Variants in PCDH7 observed in about 807,000 individuals in gnomAD.
The protein encoded by PCDH7 is protocadherin 7, also known as protocadherin-7.
A neutral mutation model predicts 58.9 loss-of-function variants in PCDH7; 17 were observed. That is an observed-to-expected ratio of 0.29 (90% CI 0.20 to 0.43). The LOEUF is 0.43. Ranked by LOEUF, PCDH7 falls within the 20% of genes least tolerant of loss-of-function variation. The probability of loss-of-function intolerance (pLI) is 1.00; values close to 1 mark genes in which losing one functional copy is unlikely to be tolerated. For synonymous variants in PCDH7, 664 were observed against 616.4 expected (o/e 1.08, Z -1.14); for missense variants, 1,274 against 1,441.0 (o/e 0.88, Z 1.88).
chr4:30,939,574 G>C (rs1745780223), intron 2 of PCDH7, among the ~76,000 whole-genome samples: 1 of 152,038 alleles, frequency 6.6e-6, no homozygotes, highest in Non-Finnish European at 1.5e-5. Context: ...CCATGACTAA[G>C]AAAATTGCTC....
chr4:31,024,927 G>A (rs1754307965), intron 3 of PCDH7, among the ~76,000 whole-genome samples: 1 of 152,078 alleles, frequency 6.6e-6, no homozygotes, highest in Non-Finnish European at 1.5e-5. Context: ...ATTTTTAGTA[G>A]AGACAGGGTT....
chr4:30,981,580 TA>T (rs1750571881), intron 3 of PCDH7, among the ~76,000 whole-genome samples: 2 of 152,128 alleles, frequency 1.3e-5, no homozygotes, highest in Admixed American at 6.5e-5. Flanking sequence ...TTTTAGACAA[TA>T]AAAAGCTCAT....
intron 2 of PCDH7, among the ~76,000 whole-genome samples, chr4:30,923,283 T>C (rs777348727): frequency 2.6e-5 from 4 of 152,164 alleles, no homozygotes; most frequent in Non-Finnish European, 4.4e-5. Flanking sequence ...TCCAATGTCA[T>C]GCTAACAAAC....
intron 1 of PCDH7, among the ~76,000 whole-genome samples, chr4:30,886,727 C>T (rs1455020331): frequency 5.3e-5 from 8 of 151,620 alleles, no homozygotes; most frequent in African/African-American, 1.5e-4. Context: ...CCAACTCAAA[C>T]GTCCAACAAT....
chr4:31,099,534 T>C (rs145171303), intron 3 of PCDH7, among the ~76,000 whole-genome samples: 1,589 of 152,316 alleles, frequency 0.01, 12 homozygotes, highest in Middle Eastern at 0.024. Context: ...AATGTATACA[T>C]ATGCTTGCAG....
intron 3 of PCDH7, among the ~76,000 whole-genome samples, chr4:30,980,374 T>C (rs1001308450): frequency 6.6e-6 from 1 of 152,226 alleles, no homozygotes; most frequent in African/African-American, 2.4e-5. Context: ...GTCTGTTTCT[T>C]GGTTTTTATT....
At chr4:31,121,076 G>A (rs1289683184) in intron 3 of PCDH7, among the ~76,000 whole-genome samples, 7 of 152,158 alleles carry the variant, frequency 4.6e-5, no homozygotes, top group East Asian at 1.9e-4. Context: ...CTTAATTAAC[G>A]CTGGTGTGCT....
chr4:31,119,628 A>G (rs1433036026), intron 3 of PCDH7, among the ~76,000 whole-genome samples: 1 of 152,082 alleles, frequency 6.6e-6, no homozygotes, highest in Non-Finnish European at 1.5e-5. Context: ...CAAATGCTGG[A>G]GTTCGACCTT....
At chr4:30,750,016 G>T (rs575781326) in intron 1 of PCDH7, among the ~76,000 whole-genome samples, 6 of 152,156 alleles carry the variant, frequency 3.9e-5, no homozygotes, top group Admixed American at 3.9e-4. Context: ...CTATACAAAA[G>T]GTATTTATAT....
At chr4:30,809,433 T>C (rs73213197) in intron 1 of PCDH7, among the ~76,000 whole-genome samples, 16,784 of 152,270 alleles carry the variant, frequency 0.11, 1,232 homozygotes, top group Non-Finnish European at 0.16. Flanking sequence ...AGTCAGTTTC[T>C]ACGGTGGTCA....
chr4:30,723,535 C>G lies in PCDH7; in HGVS notation c.2113C>G (p.Gln705Glu), dbSNP rs951025595. ...CACAATGTCTTTTGACCGGGAACAT[C>G]AGACCACATACACTTTCAGAGTCAA... The change falls in exon 1 of 2, where the codon CAG (glutamine) becomes GAG (glutamate). Residue 705 changes from glutamine (Q) to glutamate (E), a missense_variant. Transcript: ENST00000361762. The surrounding 1 kb of genome is among the most constrained non-coding windows in gnomAD (Gnocchi z 4.6). 1.2e-6 allele frequency: 2 copies of G among 1,614,142 alleles called. No homozygotes were observed. The highest frequency in any genetic ancestry group is 1.7e-6 in the Non-Finnish European group (2 of 1,180,022).
At chr4:30,905,692 T>G (rs1423555448) in intron 1 of PCDH7, among the ~76,000 whole-genome samples, 1 of 152,168 alleles carries the variant, frequency 6.6e-6, no homozygotes. Flanking sequence ...TCAATATCTC[T>G]TTTCCTGACT....
At chr4:30,999,021 AG>A (rs1752134598) in intron 3 of PCDH7, among the ~76,000 whole-genome samples, 1 of 152,116 alleles carries the variant, frequency 6.6e-6, no homozygotes, top group Non-Finnish European at 1.5e-5. Flanking sequence ...TTTACAGTGA[AG>A]GTACCTGGAT....
intron 3 of PCDH7, among the ~76,000 whole-genome samples, chr4:31,131,774 T>A (rs139460715): frequency 6.6e-6 from 1 of 152,228 alleles, no homozygotes; most frequent in Non-Finnish European, 1.5e-5. Context: ...TTTGAGAATA[T>A]GATTTGAATA....
intron 3 of PCDH7, among the ~76,000 whole-genome samples, chr4:30,964,625 T>TC (rs1395090094): frequency 6.6e-6 from 1 of 151,616 alleles, no homozygotes; most frequent in Non-Finnish European, 1.5e-5. Flanking sequence ...TTTTTTTTTT[T>TC]TTTTAACCTC....
At chr4:30,839,254 T>C (rs1457058757) in intron 1 of PCDH7, among the ~76,000 whole-genome samples, 1 of 152,072 alleles carries the variant, frequency 6.6e-6, no homozygotes, top group Non-Finnish European at 1.5e-5. Context: ...TATTCATTAG[T>C]AGAGATAATA....
chr4:30,818,081 C>G (rs1189080528), intron 1 of PCDH7, among the ~76,000 whole-genome samples: 1 of 152,064 alleles, frequency 6.6e-6, no homozygotes, highest in Non-Finnish European at 1.5e-5. Flanking sequence ...CCTGCTTAGC[C>G]TTTTGAGCCA....
chr4:30,803,304 T>C (rs1275890462), intron 1 of PCDH7, among the ~76,000 whole-genome samples: 1 of 152,162 alleles, frequency 6.6e-6, no homozygotes, highest in Non-Finnish European at 1.5e-5. Flanking sequence ...CACTGAAATA[T>C]AAGGCAAAAG....
chr4:31,080,163 A>T (rs778381297), intron 3 of PCDH7, among the ~76,000 whole-genome samples: 1 of 152,162 alleles, frequency 6.6e-6, no homozygotes, highest in Non-Finnish European at 1.5e-5. Context: ...ATATAACTAG[A>T]TAAGTCTCTT....
Sources: allele counts gnomAD v4.1 joint callset (sites outside exome capture counted in the v4.1 genomes callset), GRCh38; gene constraint gnomAD v4.1.1; non-coding constraint Gnocchi (gnomAD v3.1); transcripts MANE v1.5; gene names NCBI Gene and HGNC (gene_info 2026-07-23, HGNC 2026-07-21).